The following ETV5 variants were observed in gnomAD, a reference collection of about 807,000 sequenced individuals.
ETV5 encodes the protein ETS translocation variant 5.
Under a neutral mutation model 70.0 loss-of-function variants are expected in ETV5, and 10 were observed. The observed-to-expected ratio is 0.14, with a 90% CI of 0.09 to 0.24. The LOEUF is 0.24. Ranked by LOEUF, ETV5 falls within the 10% of genes least tolerant of loss-of-function variation. The probability of loss-of-function intolerance (pLI) is 1.00; values close to 1 mark genes in which losing one functional copy is unlikely to be tolerated. For missense variants in ETV5, 453 were observed against 651.2 expected, an observed-to-expected ratio of 0.70 and a Z score of 3.31; for synonymous variants, 216 against 242.2, an observed-to-expected ratio of 0.89 and a Z score of 1.01.
In ETV5 at chr3:186,057,220, A is replaced by G. The variant is rs1713186207; in HGVS notation, c.1064T>C (p.Met355Thr). 1.1e-5 allele frequency: 17 copies of G among 1,614,152 alleles called. No homozygotes were observed. Among genetic ancestry groups the G allele is most frequent in the Non-Finnish European group, 1.4e-5 (16 of 1,180,020 alleles). Residue 355 changes from methionine (M) to threonine (T), a missense_variant, in exon 11 of 13, where the codon ATG becomes ACG. By Grantham distance (81) the Met-to-Thr change is moderately conservative (BLOSUM62 -1). Around this residue, in one of 4 missense-constraint regions of ETV5, gnomAD observed 307 missense variants for 344.9 expected, o/e 0.89. Transcript: ENST00000306376. The surrounding 1 kb of genome is among the most constrained non-coding windows in gnomAD (Gnocchi z 4.9). ...CTGGTAAGGGGGCCCCTCTCGATAC[A>G]TGGTAGGCTCCTGTTTGACTTTGCC... ...LEGKVKQEPT[M>T]YREGPPYQRR...
intron 7 of ETV5, among the ~76,000 whole-genome samples, chr3:186,069,677 A>G (rs780061160): frequency 3.3e-5 from 5 of 152,086 alleles, no homozygotes; most frequent in Non-Finnish European, 7.4e-5. Context: ...TGCGATTTTT[A>G]GTAGAAACGG....
intron 5 of ETV5, among the ~76,000 whole-genome samples, chr3:186,083,517 T>C (rs1269978323): frequency 6.6e-6 from 1 of 152,214 alleles, no homozygotes; most frequent in African/African-American, 2.4e-5. Context: ...TTTGTATTTG[T>C]TTCAGGAACT....
chr3:186,106,535 G>GC (rs1714592480), intron 1 of ETV5, among the ~76,000 whole-genome samples: 5 of 152,262 alleles, frequency 3.3e-5, no homozygotes, highest in South Asian at 2.1e-4. Flanking sequence ...AACAGATATA[G>GC]CATCTGTAAT....
In ETV5 at chr3:186,071,743, A is replaced by T. The variant is rs190112601; in HGVS notation, c.651-5671T>A. On this transcript the variant is annotated intron_variant, in intron 7 of 12. Coordinates refer to ENST00000306376, the MANE Select transcript of ETV5 (RefSeq NM_004454.3). ...CTCGAGGCGGGCAGATCACCTTGTG[A>T]GTTCCTTACATGAGGTCGGGAGTTT... 4.6e-3 allele frequency among the ~76,000 whole-genome samples: 695 copies of T among 151,812 alleles called. 7 individuals carry two copies. The highest frequency in any genetic ancestry group is 0.015 in the African/African-American group (626 of 41,474).
Position 186,052,890 on chromosome 3 carries a change from C to T in ETV5, c.1210-759G>A, listed in dbSNP as rs573030702. On this transcript the variant is annotated intron_variant, in intron 11 of 12. Transcript: ENST00000306376. The surrounding 1 kb of genome is among the most constrained non-coding windows in gnomAD (Gnocchi z 4.5). ...CCTAGTAGAGTTTACCCAATTATCACGGCAGCCAAGCAATTTCTGTTCTCA... is the reference window on the plus strand; with the variant it reads ...CCTAGTAGAGTTTACCCAATTATCATGGCAGCCAAGCAATTTCTGTTCTCA... 6.6e-6 allele frequency among the ~76,000 whole-genome samples: 1 copy of T among 152,088 alleles called. No homozygotes were observed. Among genetic ancestry groups the T allele is most frequent in the Admixed American group, 6.5e-5 (1 of 15,280 alleles).
chr3:186,108,591 C>T, intron 1 of ETV5: 1 of 1,232,530 alleles, frequency 8.1e-7, no homozygotes, highest in Non-Finnish European at 1.0e-6. Context: ...CAAGTCCCCT[C>T]GGGGCTCTCG....
chr3:186,079,346 T>C, intron 7 of ETV5: 1 of 230,684 alleles, frequency 4.3e-6, no homozygotes, highest in African/African-American at 2.2e-5. Context: ...AATAAGGTCC[T>C]TAGCTAATCT....
intron 5 of ETV5, chr3:186,084,073 T>C: frequency 3.7e-6 from 1 of 270,308 alleles, no homozygotes; most frequent in Non-Finnish European, 7.4e-6. Context: ...AGGTATGTGA[T>C]GCAGCCTTGA....
chr3:186,083,501 A>G (rs1713981324), intron 5 of ETV5, among the ~76,000 whole-genome samples: 1 of 152,180 alleles, frequency 6.6e-6, no homozygotes, highest in Admixed American at 6.5e-5. Flanking sequence ...AGTTGCCCAG[A>G]AACACTTTGT....
intron 1 of ETV5, among the ~76,000 whole-genome samples, chr3:186,108,079 A>C (rs745552062): frequency 6.6e-6 from 1 of 151,234 alleles, no homozygotes; most frequent in South Asian, 2.1e-4. Flanking sequence ...CCACATTCAT[A>C]AAAACGAGGT....
chr3:186,098,873 C>A (rs1185940176), intron 5 of ETV5, among the ~76,000 whole-genome samples: 1 of 152,086 alleles, frequency 6.6e-6, no homozygotes, highest in Admixed American at 6.6e-5. Context: ...CCCTCATGTC[C>A]CCTCCAGCGA....
At chr3:186,063,377 T>TA (rs777299719) in intron 9 of ETV5, among the ~76,000 whole-genome samples, 11 of 152,250 alleles carry the variant, frequency 7.2e-5, no homozygotes, top group Non-Finnish European at 1.6e-4. Context: ...ATGGAACACT[T>TA]ATGCATCTTA....
At chr3:186,107,662 C>A (rs1489771949) in intron 1 of ETV5, among the ~76,000 whole-genome samples, 2 of 152,070 alleles carry the variant, frequency 1.3e-5, no homozygotes, top group South Asian at 2.1e-4. Context: ...CTTCCTTTGC[C>A]CCCCCACCAC....
Position 186,105,933 on chromosome 3 carries a change from A to T in ETV5, c.-65T>A. 1 of 1,590,274 alleles carries T rather than the reference A, an allele frequency of 6.3e-7. No homozygotes were observed. On this transcript the variant is annotated 5_prime_UTR_variant, in exon 2 of 13. Transcript: ENST00000306376. This position sits in a 1 kb window ranked among gnomAD's most constrained non-coding sequence, Gnocchi z 4.5. ...AGCATTGAGTAATTTCTGGGGGAAAAGGGATCCTCCTGTAATATGAATTTG... is the reference window on the plus strand; with the variant it reads ...AGCATTGAGTAATTTCTGGGGGAAATGGGATCCTCCTGTAATATGAATTTG...
rs1429227347 is a variant in ETV5 at position 186,105,334 on chromosome 3, T to A, written c.203A>T (p.Gln68Leu). The A allele has an allele frequency of 6.2e-7, 1 of 1,613,214 alleles. No individual in the cohort carries two copies. Among genetic ancestry groups the A allele is most frequent in the Non-Finnish European group, 8.5e-7 (1 of 1,179,846 alleles). ...ATCAGACTGAAAATCTGGGACAAAC[T>A]GTTCATCATCAGGAACTTGTGCTGG... ...LAEAQVPDDE[Q>L]FVPDFQSDNL... Residue 68 changes from glutamine (Q) to leucine (L), a missense_variant, in exon 5 of 13, where the codon CAG becomes CTG. Coordinates refer to ENST00000306376, the MANE Select transcript of ETV5 (RefSeq NM_004454.3). The surrounding 1 kb of genome is among the most constrained non-coding windows in gnomAD (Gnocchi z 4.5).
chr3:186,072,963 C>A (rs1340781157), intron 7 of ETV5, among the ~76,000 whole-genome samples: 4 of 152,134 alleles, frequency 2.6e-5, no homozygotes, highest in Non-Finnish European at 5.9e-5. Flanking sequence ...AATATCCCAC[C>A]TCTACTGAAA....
chr3:186,069,386 G>T (rs1203956621), intron 7 of ETV5, among the ~76,000 whole-genome samples: 1 of 152,132 alleles, frequency 6.6e-6, no homozygotes, highest in East Asian at 1.9e-4. Flanking sequence ...CCTTTCAATG[G>T]TCTTTGAAGA....
intron 5 of ETV5, among the ~76,000 whole-genome samples, chr3:186,094,245 G>A (rs150166421): frequency 2.0e-4 from 31 of 152,294 alleles, no homozygotes; most frequent in African/African-American, 7.2e-4. Context: ...AGAGCCTTCC[G>A]TCCACGGGTG....
chr3:186,052,277 C>T lies in ETV5; in HGVS notation c.1210-146G>A, dbSNP rs1713050963. On this transcript the variant is annotated intron_variant, in intron 11 of 12. Coordinates refer to ENST00000306376, the MANE Select transcript of ETV5 (RefSeq NM_004454.3). The surrounding 1 kb of genome is among the most constrained non-coding windows in gnomAD (Gnocchi z 4.5). The stretch of plus-strand genomic sequence containing the variant: ...ACCTGGAAGGGAAGGCATTTAACTC[C>T]CTCAAGACCAAACATTCAACAAAGG... 7.6e-6 allele frequency: 5 copies of T among 658,446 alleles called. No homozygotes were observed. The Admixed American group carries it at 1.3e-4, about 17-fold the overall frequency. 40.8% of individuals were successfully genotyped at this position (658,446 alleles called of 1,614,324 possible). A position where few individuals can be genotyped will look rare whatever the true frequency, so the allele number is the denominator to read the frequency against.
Sources: gnomAD v4.1 joint callset for allele counts (sites outside exome capture counted in the v4.1 genomes callset) on GRCh38, gnomAD v4.1.1 for gene constraint, gnomAD v4.1.1 regional missense constraint, Gnocchi (gnomAD v3.1) non-coding constraint, MANE v1.5 for transcripts, NCBI Gene and HGNC (gene_info 2026-07-23, HGNC 2026-07-21) for gene names.